The following NELL1 variants were observed in gnomAD, a reference collection of about 807,000 sequenced individuals.
NELL1 encodes neural EGFL like 1.
NELL1 carries 76 observed loss-of-function variants against 107.4 expected under a neutral mutation model. The ratio of observed to expected loss-of-function variants is 0.71; its 90% CI spans 0.59 to 0.86. NELL1 has a LOEUF of 0.86. Among genes scored for constraint, NELL1 ranks in the 40% least tolerant of loss-of-function variants. The probability of loss-of-function intolerance (pLI) is 0.00; values close to 1 mark genes in which losing one functional copy is unlikely to be tolerated. For synonymous variants in NELL1, 353 were observed against 341.2 expected (o/e 1.03, Z -0.38); for missense variants, 1,024 against 1,005.5 (o/e 1.02, Z -0.25).
At chr11:20,710,790 T>C (rs1296098965) in intron 2 of NELL1, among the ~76,000 whole-genome samples, 1 of 152,060 alleles carries the variant, frequency 6.6e-6, no homozygotes, top group Admixed American at 6.6e-5. Context: ...CCATCTCCTC[T>C]AGATTTTCTA....
At chr11:21,482,742 G>A (rs1353712187) in intron 15 of NELL1, among the ~76,000 whole-genome samples, 19 of 150,050 alleles carry the variant, frequency 1.3e-4, no homozygotes, top group African/African-American at 4.4e-4. Flanking sequence ...AGAATTTCCT[G>A]GAGAGCTTAA....
At chr11:20,983,858 T>C (rs1474974254) in intron 12 of NELL1, among the ~76,000 whole-genome samples, 2 of 152,172 alleles carry the variant, frequency 1.3e-5, no homozygotes, top group Admixed American at 1.3e-4. Flanking sequence ...AGGAACAAGA[T>C]GGATCCTTAT....
At position 20,718,089 on chromosome 11, in the gene NELL1, A is replaced by G. The variant is rs566621294; in HGVS notation, c.184+40029A>G. ...TTACCATTAAATTTCATTACTATCT[A>G]TAAAAGGAGAGGGTTGAATTAAATA... On this transcript the variant is annotated intron_variant, in intron 2 of 19. Transcript: ENST00000357134. 1.4e-3 allele frequency among the ~76,000 whole-genome samples: 216 copies of G among 152,298 alleles called. 1 individual carries two copies. Among genetic ancestry groups the G allele is most frequent in the Admixed American group, 2.4e-3 (37 of 15,300 alleles).
chr11:21,546,671 C>T (rs904737495), intron 16 of NELL1, among the ~76,000 whole-genome samples: 4 of 151,938 alleles, frequency 2.6e-5, no homozygotes, highest in African/African-American at 9.7e-5. Flanking sequence ...GGTGAGGCCT[C>T]CCCAGCCATG....
At chr11:21,380,231 A>G (rs1017190637) in intron 15 of NELL1, among the ~76,000 whole-genome samples, 1 of 152,048 alleles carries the variant, frequency 6.6e-6, no homozygotes, top group African/African-American at 2.4e-5. Context: ...CAGGGCTTCT[A>G]TGGCATCATT....
chr11:20,923,613 A>G (rs1198133581), intron 7 of NELL1, among the ~76,000 whole-genome samples: 2 of 152,172 alleles, frequency 1.3e-5, no homozygotes, highest in Non-Finnish European at 2.9e-5. Flanking sequence ...CTGTCCTGCT[A>G]TCAGATCCCA....
intron 13 of NELL1, among the ~76,000 whole-genome samples, chr11:21,155,891 T>C (rs1327622464): frequency 6.6e-6 from 1 of 152,164 alleles, no homozygotes; most frequent in Non-Finnish European, 1.5e-5. Context: ...GACAAGATTT[T>C]ATTAACAGCG....
At chr11:20,704,951 A>G (rs1030010764) in intron 2 of NELL1, among the ~76,000 whole-genome samples, 3 of 152,196 alleles carry the variant, frequency 2.0e-5, no homozygotes, top group African/African-American at 7.2e-5. Context: ...AATCCAATTT[A>G]CAAGGGATGT....
At chr11:21,099,558 G>A (rs909399019) in intron 12 of NELL1, among the ~76,000 whole-genome samples, 5 of 152,096 alleles carry the variant, frequency 3.3e-5, no homozygotes, top group East Asian at 1.9e-4. Context: ...TGTCAAGAAT[G>A]GCTTCCTTTG....
intron 13 of NELL1, among the ~76,000 whole-genome samples, chr11:21,135,469 C>A (rs1460963289): frequency 1.3e-5 from 2 of 152,122 alleles, no homozygotes; most frequent in African/African-American, 2.4e-5. Flanking sequence ...ATGGAGGATG[C>A]AATTCATGAT....
At chr11:21,507,792 T>C (rs866266289) in intron 15 of NELL1, among the ~76,000 whole-genome samples, 2 of 146,152 alleles carry the variant, frequency 1.4e-5, no homozygotes, top group African/African-American at 2.8e-5. Context: ...CTTTTCTTTT[T>C]TTTTTTTGAG....
At chr11:20,857,125 G>C (rs1036501333) in intron 4 of NELL1, among the ~76,000 whole-genome samples, 3 of 152,178 alleles carry the variant, frequency 2.0e-5, no homozygotes, top group African/African-American at 7.2e-5. Flanking sequence ...CATCCAGAGG[G>C]AGAGAGGGAA....
chr11:20,747,762 G>T (rs1856037401), intron 2 of NELL1, among the ~76,000 whole-genome samples: 1 of 152,180 alleles, frequency 6.6e-6, no homozygotes, highest in African/African-American at 2.4e-5. Flanking sequence ...ATTATATGGG[G>T]ATACAAGTGA....
At chr11:21,521,914 T>C (rs1855734957) in intron 15 of NELL1, among the ~76,000 whole-genome samples, 1 of 152,236 alleles carries the variant, frequency 6.6e-6, no homozygotes, top group East Asian at 1.9e-4. Context: ...TTGAAAAATG[T>C]ATATTCATAT....
chr11:21,467,021 A>G (rs1854049462), intron 15 of NELL1, among the ~76,000 whole-genome samples: 1 of 152,096 alleles, frequency 6.6e-6, no homozygotes, highest in African/African-American at 2.4e-5. Flanking sequence ...CAGTTTTGAT[A>G]TACACTGTAT....
Position 20,669,858 on chromosome 11 carries a change from C to T in NELL1, c.55+80C>T, listed in dbSNP as rs1853852206. ...CACGGCGGCGTGGGGAGACCTGGAG[C>T]CGAGCTTTGCGCTGGTCTGGGGAAC... On this transcript the variant is annotated intron_variant, in intron 1 of 19. Transcript: ENST00000357134. The surrounding 1 kb of genome is among the most constrained non-coding windows in gnomAD (Gnocchi z 4.4). 3.3e-6 allele frequency: 4 copies of T among 1,200,580 alleles called. No individual in the cohort carries two copies. In the Admixed American group the frequency reaches 6.9e-5, roughly 21 times the overall value. 74.4% of individuals were successfully genotyped at this position (1,200,580 alleles called of 1,614,324 possible).
intron 14 of NELL1, among the ~76,000 whole-genome samples, chr11:21,312,685 T>A (rs1849775261): frequency 1.3e-5 from 2 of 152,140 alleles, no homozygotes; most frequent in South Asian, 4.1e-4. Context: ...AATGCACAAG[T>A]ACATGTTCTT....
intron 13 of NELL1, among the ~76,000 whole-genome samples, chr11:21,128,477 C>T (rs11025937): frequency 6.6e-6 from 1 of 152,062 alleles, no homozygotes; most frequent in Admixed American, 6.6e-5. Flanking sequence ...TCAGAAATAT[C>T]TTCAGATTAA....
intron 13 of NELL1, among the ~76,000 whole-genome samples, chr11:21,141,592 G>A (rs116320472): frequency 2.0e-3 from 303 of 152,164 alleles, no homozygotes; most frequent in African/African-American, 6.9e-3. Flanking sequence ...ATTGATGGTA[G>A]TATATGAGCC....
Sources: gnomAD v4.1 joint callset for allele counts (sites outside exome capture counted in the v4.1 genomes callset) on GRCh38, gnomAD v4.1.1 for gene constraint, Gnocchi (gnomAD v3.1) non-coding constraint, MANE v1.5 for transcripts, NCBI Gene and HGNC (gene_info 2026-07-23, HGNC 2026-07-21) for gene names.